Variants in DAGLA observed in about 807,000 individuals in gnomAD.
The protein encoded by DAGLA is diacylglycerol lipase-alpha.
DAGLA carries 22 observed loss-of-function variants against 102.6 expected under a neutral mutation model. The observed-to-expected ratio is 0.21, with a 90% CI of 0.15 to 0.31. The LOEUF (loss-of-function observed/expected upper bound fraction) is 0.31. DAGLA is among the 10% of genes least tolerant of loss of function. The probability of loss-of-function intolerance (pLI) is 1.00; values close to 1 mark genes in which losing one functional copy is unlikely to be tolerated. For missense variants in DAGLA, 927 were observed against 1,446.6 expected (o/e 0.64, Z 5.83); for synonymous variants, 578 against 628.9 (o/e 0.92, Z 1.21).
chr11:61,726,397 G>A (rs1240415784), intron 6 of DAGLA, among the ~76,000 whole-genome samples: 2 of 152,250 alleles, frequency 1.3e-5, no homozygotes, highest in East Asian at 3.9e-4. Context: ...ACAAAGAAAA[G>A]TAGCGTTTCA....
At chr11:61,680,945 G>A (rs966320769) in intron 1 of DAGLA, among the ~76,000 whole-genome samples, 6 of 152,312 alleles carry the variant, frequency 3.9e-5, no homozygotes, top group African/African-American at 1.4e-4. Context: ...CTTGGGTGTT[G>A]GGATGGTTCT....
intron 1 of DAGLA, among the ~76,000 whole-genome samples, chr11:61,682,528 G>A (rs186686063): frequency 1.3e-5 from 2 of 152,314 alleles, no homozygotes; most frequent in South Asian, 2.1e-4. Flanking sequence ...CCCGGCAGCT[G>A]TGAAGTCCTG....
chr11:61,716,057 G>T (rs1039066768), intron 1 of DAGLA, among the ~76,000 whole-genome samples: 3 of 152,202 alleles, frequency 2.0e-5, no homozygotes, highest in Non-Finnish European at 4.4e-5. Context: ...GAGCTCAGAG[G>T]GGGAAGGAGC....
intron 9 of DAGLA, among the ~76,000 whole-genome samples, chr11:61,732,755 G>T (rs1165750542): frequency 6.6e-6 from 1 of 152,156 alleles, no homozygotes; most frequent in Non-Finnish European, 1.5e-5. Context: ...CTGCAGCCCA[G>T]GGTGTTGGGA....
intron 1 of DAGLA, among the ~76,000 whole-genome samples, chr11:61,701,730 C>G (rs1284839580): frequency 6.6e-6 from 1 of 152,124 alleles, no homozygotes; most frequent in Admixed American, 6.5e-5. Context: ...GTCTCACCCC[C>G]GAGCCTGCTG....
chr11:61,743,617 G>A lies in DAGLA; in HGVS notation c.2257G>A (p.Asp753Asn). ...SPVVAAAARQ[D>N]PVELLLLSTQ... ...AGTGGTTGCGGCGGCGGCCCGCCAG[G>A]ACCCGGTGGAGCTGCTGCTGCTGTC... is the stretch of plus-strand genomic sequence containing the variant. The change falls in exon 20 of 20, where the codon GAC becomes AAC. Residue 753 changes from aspartate (D) to asparagine (N), a missense_variant. Asp to Asn is a conservative substitution (Grantham distance 23, BLOSUM62 1). This residue lies in a region of DAGLA where 434 missense variants were observed against 503.3 expected (regional missense o/e 0.86). Transcript: ENST00000257215. The A allele has an allele frequency of 1.9e-6, 3 of 1,589,306 alleles. No individual in the cohort carries two copies. Among genetic ancestry groups the A allele is most frequent in the Non-Finnish European group, 2.6e-6 (3 of 1,172,048 alleles).
intron 1 of DAGLA, among the ~76,000 whole-genome samples, chr11:61,715,423 C>G (rs2065228532): frequency 6.6e-6 from 1 of 152,204 alleles, no homozygotes; most frequent in Non-Finnish European, 1.5e-5. Context: ...TTGTCCAGTT[C>G]CCTGTGGACA....
At position 61,731,481 on chromosome 11, in the gene DAGLA, C is replaced by T. The variant is rs1453323150; in HGVS notation, c.974+40C>T. 3 of 1,607,818 alleles carry T rather than the reference C, an allele frequency of 1.9e-6. No individual in the cohort carries two copies. In the African/African-American group the frequency reaches 4.0e-5, roughly 21 times the overall value. ...CCCATCCCCCAGCGATTGCACCTCT[C>T]CTCCCGGGTGGTGTGTGAGGAAGGG... is the stretch of plus-strand genomic sequence containing the variant. On this transcript the variant is annotated intron_variant, in intron 9 of 19. Transcript: ENST00000257215.
At chr11:61,681,616 C>A (rs2064943040) in intron 1 of DAGLA, among the ~76,000 whole-genome samples, 1 of 152,070 alleles carries the variant, frequency 6.6e-6, no homozygotes, top group Non-Finnish European at 1.5e-5. Flanking sequence ...TTCTTTGATG[C>A]TGGGGAGCCT....
rs754096115 is a variant in DAGLA, at chr11:61,684,752, G to C, written c.-45+4248G>C. On this transcript the variant is annotated intron_variant, in intron 1 of 19. Coordinates refer to ENST00000257215, the MANE Select transcript of DAGLA (RefSeq NM_006133.3). This position sits in a 1 kb window ranked among gnomAD's most constrained non-coding sequence, Gnocchi z 4.5. ...GGGAAGTGAGGGCGGAGGGGGTGTG[G>C]AGCGCCTGGTGGTGTGGGAGCGCGC... Among the ~76,000 whole-genome samples the C allele has an allele frequency of 1.6e-4, 25 of 152,052 alleles. No individual in the cohort carries two copies. Among genetic ancestry groups the C allele is most frequent in the Non-Finnish European group, 2.2e-4 (15 of 68,012 alleles).
intron 1 of DAGLA, among the ~76,000 whole-genome samples, chr11:61,717,349 G>T (rs534709912): frequency 6.6e-6 from 1 of 151,982 alleles, no homozygotes; most frequent in African/African-American, 2.4e-5. Context: ...CAACCCTTAT[G>T]CAGCACAGGC....
intron 7 of DAGLA, among the ~76,000 whole-genome samples, chr11:61,728,574 G>A (rs1004807337): frequency 6.6e-6 from 1 of 152,192 alleles, no homozygotes; most frequent in African/African-American, 2.4e-5. Context: ...CTTAGTGGAC[G>A]TGGTGAGCTC....
intron 1 of DAGLA, among the ~76,000 whole-genome samples, chr11:61,704,509 A>G (rs1300337485): frequency 1.3e-5 from 2 of 152,112 alleles, no homozygotes; most frequent in Admixed American, 6.6e-5. Flanking sequence ...TTTAGGGGAA[A>G]GGAGTTCTGG....
intron 16 of DAGLA, among the ~76,000 whole-genome samples, chr11:61,739,262 G>A (rs1471736165): frequency 1.3e-5 from 2 of 152,148 alleles, no homozygotes; most frequent in South Asian, 2.1e-4. Context: ...CTTATTGGCC[G>A]TCTGGCCACC....
At chr11:61,725,952 C>T (rs570996389) in intron 5 of DAGLA, 43 bp from the exon 6 acceptor site, 4 of 1,567,640 alleles carry the variant, frequency 2.6e-6, no homozygotes, top group Non-Finnish European at 3.5e-6. Context: ...CTCTTCTGGT[C>T]CAGCCCTCTG....
At chr11:61,715,648 G>C (rs956689596) in intron 1 of DAGLA, among the ~76,000 whole-genome samples, 1 of 152,164 alleles carries the variant, frequency 6.6e-6, no homozygotes, top group African/African-American at 2.4e-5. Context: ...CAGGCTCCTC[G>C]GTCAGGGCTT....
intron 1 of DAGLA, among the ~76,000 whole-genome samples, chr11:61,682,522 G>A (rs2135543562): frequency 6.6e-6 from 1 of 152,308 alleles, no homozygotes. Context: ...CATGGCCCCG[G>A]CAGCTGTGAA....
Position 61,737,680 on chromosome 11 carries a change from C to T in DAGLA, c.1515-7C>T. 1 of 1,613,754 alleles carries T rather than the reference C, an allele frequency of 6.2e-7. No homozygotes were observed. The highest frequency in any genetic ancestry group is 8.5e-7 in the Non-Finnish European group (1 of 1,179,674). On this transcript the variant is annotated splice_region_variant and splice_polypyrimidine_tract_variant and intron_variant, in intron 14 of 19. Coordinates refer to ENST00000257215, the MANE Select transcript of DAGLA (RefSeq NM_006133.3). ...GGCCTTAGCTTCTGCTTCGGCTTCC[C>T]TTGCAGTGAGGATGCGATGGAGTAT...
rs1169585890 is a variant in DAGLA, at chr11:61,734,381, G to A, written c.975-468G>A. On this transcript the variant is annotated intron_variant, in intron 9 of 19. Transcript: ENST00000257215. This position sits in a 1 kb window ranked among gnomAD's most constrained non-coding sequence, Gnocchi z 4.2. ...GGGAAGGGGTTTGAGAGCTGGCAGG[G>A]TGTCAGGTGTCCGAGAGAGGTGCTG... 6.6e-6 allele frequency among the ~76,000 whole-genome samples: 1 copy of A among 152,054 alleles called. No individual in the cohort carries two copies. The highest frequency in any genetic ancestry group is 1.5e-5 in the Non-Finnish European group (1 of 68,016).
Sources: gnomAD v4.1 joint callset for allele counts (sites outside exome capture counted in the v4.1 genomes callset) on GRCh38, gnomAD v4.1.1 for gene constraint, gnomAD v4.1.1 regional missense constraint, Gnocchi (gnomAD v3.1) non-coding constraint, MANE v1.5 for transcripts, NCBI Gene and HGNC (gene_info 2026-07-23, HGNC 2026-07-21) for gene names.